Variants in HECW1 observed in about 807,000 individuals in gnomAD.
HECW1 encodes the protein HECT, C2 and WW domain containing E3 ubiquitin protein ligase 1, also known as E3 ubiquitin-protein ligase HECW1.
In HECW1, 61 loss-of-function variants were observed where a neutral mutation model predicts 182.3. That is an observed-to-expected ratio of 0.33 (90% CI 0.27 to 0.41). HECW1 has a LOEUF of 0.41. Among genes scored for constraint, HECW1 ranks in the 10% least tolerant of loss-of-function variants. The pLI is 1.00. For synonymous variants in HECW1, 859 were observed against 832.6 expected (o/e 1.03, Z -0.55); for missense variants, 1,739 against 2,108.9 (o/e 0.82, Z 3.44).
At chr7:43,308,377 A>G (rs1175088577) in intron 3 of HECW1, among the ~76,000 whole-genome samples, 3 of 128,104 alleles carry the variant, frequency 2.3e-5, no homozygotes, top group African/African-American at 8.8e-5. Context: ...CATATAATAT[A>G]TTTATATATA....
chr7:43,274,479 C>A, intron 3 of HECW1: 1 of 620,920 alleles, frequency 1.6e-6, no homozygotes, highest in East Asian at 3.2e-5. Context: ...GCCGGCACCG[C>A]ACCCAGGCCC....
At chr7:43,531,993 C>T (rs764749809) in intron 24 of HECW1, among the ~76,000 whole-genome samples, 5 of 152,190 alleles carry the variant, frequency 3.3e-5, no homozygotes, top group Non-Finnish European at 5.9e-5. Flanking sequence ...GCCCTGTGCC[C>T]GGAGGTACTG....
At chr7:43,290,615 G>T (rs1805279522) in intron 3 of HECW1, among the ~76,000 whole-genome samples, 1 of 152,192 alleles carries the variant, frequency 6.6e-6, no homozygotes, top group African/African-American at 2.4e-5. Context: ...TGGCCAAGAG[G>T]GGGTCCATCC....
intron 4 of HECW1, among the ~76,000 whole-genome samples, chr7:43,316,498 A>G (rs957571395): frequency 1.3e-5 from 2 of 152,202 alleles, no homozygotes; most frequent in Non-Finnish European, 2.9e-5. Context: ...AATCCTTTCA[A>G]CAAGATTTTG....
Position 43,444,067 on chromosome 7 carries a change from A to C in HECW1, c.1046-151A>C. On this transcript the variant is annotated intron_variant, in intron 10 of 29. Coordinates refer to ENST00000395891, the MANE Select transcript of HECW1 (RefSeq NM_015052.5). The surrounding 1 kb of genome is among the most constrained non-coding windows in gnomAD (Gnocchi z 4.3). Reference sequence around the variant, plus strand: ...ACTCATTCTTACAGAATTTTTCACTAGAGCTCTGGCCAGTGAGAAACCCTC... The same window carrying C: ...ACTCATTCTTACAGAATTTTTCACTCGAGCTCTGGCCAGTGAGAAACCCTC... 1.4e-6 allele frequency: 1 copy of C among 740,720 alleles called. No individual in the cohort carries two copies. Among genetic ancestry groups the C allele is most frequent in the Non-Finnish European group, 2.1e-6 (1 of 468,338 alleles). 45.9% of individuals were successfully genotyped at this position (740,720 alleles called of 1,614,324 possible).
At chr7:43,173,994 C>T (rs1161087235) in intron 2 of HECW1, among the ~76,000 whole-genome samples, 1 of 152,058 alleles carries the variant, frequency 6.6e-6, no homozygotes, top group East Asian at 1.9e-4. Context: ...TGCACCATCA[C>T]ACCTGGCTAA....
At chr7:43,184,665 T>C (rs888567733) in intron 2 of HECW1, among the ~76,000 whole-genome samples, 1 of 152,184 alleles carries the variant, frequency 6.6e-6, no homozygotes, top group African/African-American at 2.4e-5. Flanking sequence ...TGATCACCAA[T>C]GGCCAATGAT....
At chr7:43,316,971 T>A (rs1164103059) in intron 4 of HECW1, among the ~76,000 whole-genome samples, 1 of 151,026 alleles carries the variant, frequency 6.6e-6, no homozygotes, top group East Asian at 2.0e-4. Flanking sequence ...GGAAGGTGAA[T>A]ATGTGAAATG....
intron 4 of HECW1, among the ~76,000 whole-genome samples, chr7:43,313,557 G>A (rs1388875737): frequency 4.6e-5 from 7 of 152,076 alleles, no homozygotes; most frequent in South Asian, 2.1e-4. Flanking sequence ...GGCTGGTCTC[G>A]AACTCCCGAC....
intron 19 of HECW1, 79 bp downstream of exon 19, chr7:43,493,259 C>CA: frequency 1.1e-6 from 1 of 879,106 alleles, no homozygotes; most frequent in Admixed American, 2.0e-5. Flanking sequence ...TCTGTGGAGA[C>CA]AGAGCGGAAG....
chr7:43,510,666 A>T (rs961813973), intron 24 of HECW1, among the ~76,000 whole-genome samples: 1 of 152,192 alleles, frequency 6.6e-6, no homozygotes, highest in African/African-American at 2.4e-5. Flanking sequence ...ATCACAAGGG[A>T]AAAATATCGC....
At chr7:43,512,917 G>A (rs2079947887) in intron 24 of HECW1, among the ~76,000 whole-genome samples, 1 of 152,138 alleles carries the variant, frequency 6.6e-6, no homozygotes. Context: ...TTTTTTTGTT[G>A]TTGTTATTCT....
chr7:43,353,570 A>G (rs1277874432), intron 5 of HECW1, among the ~76,000 whole-genome samples: 1 of 152,178 alleles, frequency 6.6e-6, no homozygotes, highest in Non-Finnish European at 1.5e-5. Context: ...AGGGCCACAA[A>G]GCAGTGAAAA....
At chr7:43,465,916 GAAGA>G (rs1280965792) in intron 14 of HECW1, among the ~76,000 whole-genome samples, 1 of 144,466 alleles carries the variant, frequency 6.9e-6, no homozygotes, top group Non-Finnish European at 1.5e-5. Context: ...GAGAGAGAGA[GAAGA>G]AAGAAAGAAG....
rs1395115868 is a variant in HECW1, at chr7:43,455,336, A to G, written c.2501-961A>G. Among the ~76,000 whole-genome samples, 3 of 152,182 alleles carry G rather than the reference A, an allele frequency of 2.0e-5. No individual in the cohort carries two copies. In the East Asian group the frequency reaches 5.8e-4, roughly 29 times the overall value. On this transcript the variant is annotated intron_variant, in intron 12 of 29. Coordinates refer to ENST00000395891, the MANE Select transcript of HECW1 (RefSeq NM_015052.5). ...TATCAAAACGCTGTTTTGAAACCCT[A>G]ACAATCATTTCCTTCCATTCACCCA...
intron 29 of HECW1, among the ~76,000 whole-genome samples, chr7:43,558,409 G>T (rs536798520): frequency 6.6e-6 from 1 of 152,320 alleles, no homozygotes; most frequent in Admixed American, 6.5e-5. Flanking sequence ...CCCAGACCCA[G>T]GGTGGAGTTG....
At chr7:43,134,393 CAA>C (rs35414360) in intron 2 of HECW1, among the ~76,000 whole-genome samples, 90 of 87,756 alleles carry the variant, frequency 1.0e-3, no homozygotes, top group African/African-American at 2.3e-3. Context: ...GACTCTGTCT[CAA>C]AAAAAAAAAA....
In HECW1 at chr7:43,340,904, C is replaced by T. The variant is rs551857519; in HGVS notation, c.461-19982C>T. Among the ~76,000 whole-genome samples, 330 of 151,856 alleles carry T rather than the reference C, an allele frequency of 2.2e-3. 12 individuals carry two copies. Among genetic ancestry groups the T allele is most frequent in the African/African-American group, 7.6e-3 (314 of 41,142 alleles). On this transcript the variant is annotated intron_variant, in intron 5 of 29. Transcript: ENST00000395891. ...ACTCACAATAGCAAAGACTTGGAAC[C>T]AACCCAAATGTCCATCAATGATAGA...
intron 8 of HECW1, 113 bp downstream of exon 8, chr7:43,407,844 A>G (rs1165931738): frequency 3.3e-6 from 3 of 916,200 alleles, no homozygotes; most frequent in East Asian, 2.6e-5. Context: ...TGCTCAATCT[A>G]TGGCTGTCAT....
Sources: gnomAD v4.1 joint callset for allele counts (sites outside exome capture counted in the v4.1 genomes callset) on GRCh38, gnomAD v4.1.1 for gene constraint, Gnocchi (gnomAD v3.1) non-coding constraint, MANE v1.5 for transcripts, NCBI Gene and HGNC (gene_info 2026-07-23, HGNC 2026-07-21) for gene names.